The following UMODL1 variants were observed in gnomAD, a reference collection of about 807,000 sequenced individuals.
UMODL1 encodes the protein uromodulin like 1.
In UMODL1, 128 loss-of-function variants were observed where a neutral mutation model predicts 136.3. That is an observed-to-expected ratio of 0.94 (90% CI 0.81 to 1.09). The LOEUF is 1.09. UMODL1 is among the 50% of genes least tolerant of loss of function. UMODL1 has a pLI of 0.00. For synonymous variants in UMODL1, 721 were observed against 720.0 expected (o/e 1.00, Z -0.02); for missense variants, 1,766 against 1,725.6 (o/e 1.02, Z -0.41).
At chr21:42,071,826 A>T (rs1409980968) in intron 1 of UMODL1, among the ~76,000 whole-genome samples, 1 of 151,460 alleles carries the variant, frequency 6.6e-6, no homozygotes, top group Non-Finnish European at 1.5e-5. Flanking sequence ...CCTCACTTAC[A>T]GATTTAAAAA....
intron 9 of UMODL1, 71 bp from the exon 10 acceptor site, chr21:42,109,491 A>T: frequency 6.3e-7 from 1 of 1,582,084 alleles, no homozygotes; most frequent in Non-Finnish European, 8.6e-7. Flanking sequence ...GACTCCTTCC[A>T]GCATGGGTCT....
chr21:42,118,405 A>G (rs2066926078), intron 14 of UMODL1, among the ~76,000 whole-genome samples: 1 of 152,236 alleles, frequency 6.6e-6, no homozygotes, highest in Non-Finnish European at 1.5e-5. Context: ...AAGTACCCAT[A>G]GGAGGTTTGC....
At chr21:42,097,677 A>G (rs1213605913) in intron 6 of UMODL1, among the ~76,000 whole-genome samples, 1 of 152,210 alleles carries the variant, frequency 6.6e-6, no homozygotes, top group Non-Finnish European at 1.5e-5. Flanking sequence ...ATGGTTTTGC[A>G]AAATATATTT....
intron 17 of UMODL1, 105 bp from the exon 18 acceptor site, chr21:42,126,240 T>C: frequency 6.6e-7 from 1 of 1,507,842 alleles, no homozygotes; most frequent in South Asian, 1.3e-5. Context: ...GGAGAGGCTT[T>C]AGAGAAGAAC....
intron 2 of UMODL1, among the ~76,000 whole-genome samples, chr21:42,081,455 A>G (rs1461276580): frequency 6.6e-6 from 1 of 152,156 alleles, no homozygotes; most frequent in Non-Finnish European, 1.5e-5. Flanking sequence ...CTTTCTACCA[A>G]GTTGGACTTG....
At chr21:42,134,791 T>A (rs566293451) in intron 21 of UMODL1, among the ~76,000 whole-genome samples, 52 of 151,516 alleles carry the variant, frequency 3.4e-4, no homozygotes, top group African/African-American at 1.1e-3. Flanking sequence ...TTTTTTTTTT[T>A]TTTATATTTT....
At chr21:42,067,563 C>T (rs1002071706), upstream of UMODL1, among the ~76,000 whole-genome samples, 3 of 152,334 alleles carry the variant, frequency 2.0e-5, no homozygotes, top group South Asian at 4.2e-4. Context: ...GTATTTGGCT[C>T]CTAATCCAGG....
intron 1 of UMODL1, 139 bp downstream of exon 1, chr21:42,071,531 G>T: frequency 1.1e-6 from 1 of 913,564 alleles, no homozygotes. Context: ...TTCTTTTGTG[G>T]ACAAGCTTTT....
chr21:42,103,293 A>G (rs528852419), intron 8 of UMODL1: 2 of 205,280 alleles, frequency 9.7e-6, no homozygotes, highest in Admixed American at 5.2e-5. Context: ...CTGGTTTTCA[A>G]TGTTTTCAGA....
chr21:42,067,543 T>C (rs1402802164), upstream of UMODL1, among the ~76,000 whole-genome samples: 1 of 152,228 alleles, frequency 6.6e-6, no homozygotes, highest in African/African-American at 2.4e-5. Context: ...GAACGAGGAC[T>C]GGACTGAGGG....
At chr21:42,074,122 G>A (rs374802665) in intron 1 of UMODL1, among the ~76,000 whole-genome samples, 1 of 152,172 alleles carries the variant, frequency 6.6e-6, no homozygotes, top group East Asian at 1.9e-4. Context: ...TCTGGAGGCC[G>A]GAAGTCTAAG....
In UMODL1 at chr21:42,137,580, T is replaced by C. The variant is rs377697286; in HGVS notation, c.3917T>C (p.Ile1306Thr). ...ATGAATGGGAGATACAACTTTAAAA[T>C]CCAGTCCAACAACTTCAGCTACCAG... Reference protein sequence around the residue: ...QRMNGRYNFKIQSNNFSYQVF... With the variant: ...QRMNGRYNFKTQSNNFSYQVF... The change falls in exon 22 of 23, where the codon ATC (isoleucine) becomes ACC (threonine). Residue 1306 changes from isoleucine (I) to threonine (T), a missense_variant. Physicochemically the swap from Ile to Thr is moderately conservative, Grantham distance 89 (BLOSUM62 -1). Transcript: ENST00000408910. 4.3e-6 allele frequency: 7 copies of C among 1,613,962 alleles called. No homozygotes were observed. The highest frequency in any genetic ancestry group is 3.3e-4 in the Middle Eastern group (2 of 6,084).
chr21:42,097,628 T>C (rs866584219), intron 6 of UMODL1, among the ~76,000 whole-genome samples: 15 of 152,350 alleles, frequency 9.8e-5, no homozygotes, highest in African/African-American at 3.6e-4. Context: ...GAAAAGGCTT[T>C]GGGAAGCCAC....
chr21:42,095,917 G>T (rs891630889), intron 6 of UMODL1, among the ~76,000 whole-genome samples: 1 of 152,158 alleles, frequency 6.6e-6, no homozygotes, highest in African/African-American at 2.4e-5. Flanking sequence ...TAGCTTGGCT[G>T]GTTTGTGACA....
At chr21:42,130,430 GA>G (rs11424626) in intron 21 of UMODL1, among the ~76,000 whole-genome samples, 1 of 150,124 alleles carries the variant, frequency 6.7e-6, no homozygotes, top group Non-Finnish European at 1.5e-5. Context: ...ATCTTATTTT[GA>G]AAAAAAAATA....
upstream of UMODL1, among the ~76,000 whole-genome samples, chr21:42,068,423 G>A (rs1171485711): frequency 1.3e-5 from 2 of 152,152 alleles, no homozygotes; most frequent in Non-Finnish European, 2.9e-5. This position sits in a 1 kb window ranked among gnomAD's most constrained non-coding sequence, Gnocchi z 5.5. Flanking sequence ...CTGTCAGAGA[G>A]CCACCTGGAT....
chr21:42,117,037 C>T (rs1457487533), intron 14 of UMODL1, among the ~76,000 whole-genome samples: 1 of 152,104 alleles, frequency 6.6e-6, no homozygotes, highest in Non-Finnish European at 1.5e-5. Context: ...GATCTTGCCA[C>T]TGCACTCCAG....
At chr21:42,064,344 G>A (rs933945975) in intron 1 of UMODL1, among the ~76,000 whole-genome samples, 65 of 152,306 alleles carry the variant, frequency 4.3e-4, no homozygotes, top group African/African-American at 1.5e-3. Flanking sequence ...GACGGCCTCC[G>A]AACTGGAACA....
intron 9 of UMODL1, among the ~76,000 whole-genome samples, chr21:42,107,829 G>A (rs1452471458): frequency 1.3e-5 from 2 of 152,208 alleles, no homozygotes; most frequent in Non-Finnish European, 2.9e-5. Context: ...GCCAGCTCAG[G>A]AGGGGCACCT....
Sources: gnomAD v4.1 joint callset for allele counts (sites outside exome capture counted in the v4.1 genomes callset) on GRCh38, gnomAD v4.1.1 for gene constraint, Gnocchi (gnomAD v3.1) non-coding constraint, MANE v1.5 for transcripts, NCBI Gene and HGNC (gene_info 2026-07-23, HGNC 2026-07-21) for gene names.